The following MOV10 variants were observed in gnomAD, a reference collection of about 807,000 sequenced individuals.
The protein encoded by MOV10 is Mov10 RNA helicase.
In MOV10, 39 loss-of-function variants were observed where a neutral mutation model predicts 108.4. The observed-to-expected ratio is 0.36, with a 90% CI of 0.28 to 0.47. MOV10 has a LOEUF of 0.47. Among genes scored for constraint, MOV10 ranks in the 20% least tolerant of loss-of-function variants. The pLI, the probability that MOV10 is intolerant of heterozygous loss-of-function variation, is 1.00. For missense variants in MOV10, 952 were observed against 1,297.6 expected (o/e 0.73, Z 4.09); for synonymous variants, 490 against 523.1 (o/e 0.94, Z 0.86).
Position 112,699,901 on chromosome 1 carries a change from A to G in MOV10, c.2717A>G (p.Asn906Ser), listed in dbSNP as rs758823732. The change falls in exon 19 of 21, where the codon AAT becomes AGT. Residue 906 changes from asparagine (N) to serine (S), a missense_variant. Physicochemically the swap from Asn to Ser is conservative, Grantham distance 46. This residue lies in a region of MOV10 where 65 missense variants were observed against 124.3 expected (regional missense o/e 0.52). Coordinates refer to ENST00000369645, the MANE Select transcript of MOV10 (RefSeq NM_001321324.2). Reference protein sequence around the residue: ...LGFLKNPKRFNVAVTRAKALL... With the variant: ...LGFLKNPKRFSVAVTRAKALL... The stretch of plus-strand genomic sequence containing the variant: ...ACCACTTCTTCCTTCCAGAGGTTCA[A>G]TGTAGCTGTGACCCGGGCCAAGGCC... 22 of 1,614,086 alleles carry G rather than the reference A, an allele frequency of 1.4e-5. No individual in the cohort carries two copies. The highest frequency in any genetic ancestry group is 1.9e-5 in the Non-Finnish European group (22 of 1,180,010).
In MOV10 at chr1:112,698,415, CAAG is replaced by C; in HGVS notation, c.2449_2451del (p.Lys817del). 6.2e-7 allele frequency: 1 copy of C among 1,614,208 alleles called. No individual in the cohort carries two copies. The highest frequency in any genetic ancestry group is 8.5e-7 in the Non-Finnish European group (1 of 1,180,034). On this transcript the variant is annotated inframe_deletion, in exon 16 of 21. Transcript: ENST00000369645. ...TGAAGCTGCTCCTGGCCCCCTCCTC[CAAG>C]AAGGGCAAAGCTCGCCTGAGCCCTC...
intron 2 of MOV10, among the ~76,000 whole-genome samples, chr1:112,688,146 T>C (rs914618033): frequency 9.2e-5 from 14 of 152,250 alleles, no homozygotes; most frequent in African/African-American, 3.4e-4. Flanking sequence ...ATGTTCAGTC[T>C]GTGTGCTCCT....
In MOV10 at chr1:112,694,688, G is replaced by A. The variant is rs1172320332; in HGVS notation, c.1472+59G>A. 1 of 1,596,024 alleles carries A rather than the reference G, an allele frequency of 6.3e-7. No homozygotes were observed. The highest frequency in any genetic ancestry group is 8.6e-7 in the Non-Finnish European group (1 of 1,168,832). On this transcript the variant is annotated intron_variant, in intron 9 of 20. Coordinates refer to ENST00000369645, the MANE Select transcript of MOV10 (RefSeq NM_001321324.2). The surrounding 1 kb of genome is among the most constrained non-coding windows in gnomAD (Gnocchi z 4.1). ...TTGGAGTGTGGGCACAGGGGGTGGA[G>A]TCAGGGAGGCCTCTGGGTCACTGGA...
At chr1:112,678,710 C>T (rs1168428796) in intron 2 of MOV10, among the ~76,000 whole-genome samples, 1 of 151,998 alleles carries the variant, frequency 6.6e-6, no homozygotes, top group Non-Finnish European at 1.5e-5. Context: ...CTCAGAAGAA[C>T]GGGAGACCAG....
intron 2 of MOV10, among the ~76,000 whole-genome samples, chr1:112,677,829 G>A (rs2101242357): frequency 6.6e-6 from 1 of 152,194 alleles, no homozygotes; most frequent in Admixed American, 6.5e-5. Context: ...ACACTGAGAG[G>A]GGATAGGTCT....
chr1:112,700,411 T>G lies in MOV10; in HGVS notation c.2921-5T>G. 1.9e-6 allele frequency: 3 copies of G among 1,613,558 alleles called. No individual in the cohort carries two copies. The Admixed American group carries it at 5.0e-5, about 27-fold the overall frequency. On this transcript the variant is annotated splice_polypyrimidine_tract_variant and splice_region_variant and intron_variant, in intron 20 of 20. Transcript: ENST00000369645. ...GAAGACACAGTGTACTTTCTCTCTT[T>G]CCAGGGCCCCACAGCCATGACTACC...
chr1:112,689,234 G>A (rs1673343218), intron 3 of MOV10, 96 bp downstream of exon 3: 1 of 1,356,292 alleles, frequency 7.4e-7, no homozygotes, highest in African/African-American at 1.4e-5. Context: ...ACACAAGTGG[G>A]AATAAGTCCC....
At chr1:112,688,563 G>T in intron 2 of MOV10, 1 of 1,137,838 alleles carries the variant, frequency 8.8e-7, no homozygotes, top group Admixed American at 4.4e-5. Context: ...TTTCTTCTGG[G>T]TTGTTTGTAT....
At chr1:112,685,344 G>T (rs1343029474) in intron 2 of MOV10, among the ~76,000 whole-genome samples, 1 of 151,892 alleles carries the variant, frequency 6.6e-6, no homozygotes, top group East Asian at 1.9e-4. Flanking sequence ...GTCTTGGTTA[G>T]AAAGTTTTTC....
intron 2 of MOV10, among the ~76,000 whole-genome samples, chr1:112,681,346 T>G (rs1226890096): frequency 6.6e-6 from 1 of 151,894 alleles, no homozygotes; most frequent in Non-Finnish European, 1.5e-5. Flanking sequence ...TACAAAAAAT[T>G]AGCTGGGCGT....
rs759980674 is a variant in MOV10, at chr1:112,690,070, C to T, written c.808C>T (p.Arg270Trp). 11 of 1,613,836 alleles carry T rather than the reference C, an allele frequency of 6.8e-6. No homozygotes were observed. Among genetic ancestry groups the T allele is most frequent in the African/African-American group, 2.7e-5 (2 of 74,924 alleles). Reference protein sequence around the residue: ...RITGNPVVTNRIEEGERPDRA... With the variant: ...RITGNPVVTNWIEEGERPDRA... ...CACCGGAAACCCTGTGGTGACCAAT[C>T]GGATAGAGGAAGGAGAGAGACCTGA... Residue 270 changes from arginine (R) to tryptophan (W), a missense_variant, in exon 5 of 21, where the codon CGG becomes TGG. Around this residue, in one of 5 missense-constraint regions of MOV10, gnomAD observed 374 missense variants for 468.6 expected, o/e 0.80. Transcript: ENST00000369645.
At position 112,699,988 on chromosome 1, in the gene MOV10, C is replaced by T. The variant is rs771666338; in HGVS notation, c.2798+6C>T. On this transcript the variant is annotated splice_donor_region_variant and intron_variant, in intron 19 of 20. Transcript: ENST00000369645. ...CATGACCCTGACTGGAAAGTGTGAGCATTCCCACCCCATTCTCCCTCTTAG... is the reference window on the plus strand; with the variant it reads ...CATGACCCTGACTGGAAAGTGTGAGTATTCCCACCCCATTCTCCCTCTTAG... 1.9e-6 allele frequency: 3 copies of T among 1,614,154 alleles called. No individual in the cohort carries two copies. The highest frequency in any genetic ancestry group is 2.5e-6 in the Non-Finnish European group (3 of 1,179,978).
In MOV10 at chr1:112,696,809, G is replaced by A. The variant is rs1380518531; in HGVS notation, c.2161G>A (p.Asp721Asn). The part of the protein sequence containing the change: ...SLYKKGPDGY[D>N]PQFITKLLRN... ...GTACAAGAAGGGCCCTGATGGCTATGACCCCCAGTTCATAACCAAGCTGCT... is the reference window on the plus strand; with the variant it reads ...GTACAAGAAGGGCCCTGATGGCTATAACCCCCAGTTCATAACCAAGCTGCT... The change falls in exon 14 of 21, where the codon GAC becomes AAC. Residue 721 changes from aspartate (D) to asparagine (N), a missense_variant. Physicochemically the swap from Asp to Asn is conservative, Grantham distance 23. Coordinates refer to ENST00000369645, the MANE Select transcript of MOV10 (RefSeq NM_001321324.2). 1.9e-6 allele frequency: 3 copies of A among 1,604,282 alleles called. No homozygotes were observed. Among genetic ancestry groups the A allele is most frequent in the Non-Finnish European group, 2.6e-6 (3 of 1,175,002 alleles).
rs769993137 is a variant in MOV10 at position 112,696,879 on chromosome 1, C to A, written c.2198+33C>A. The A allele has an allele frequency of 2.0e-6, 3 of 1,526,790 alleles. No individual in the cohort carries two copies. In the Admixed American group the frequency reaches 5.8e-5, roughly 29 times the overall value. The allele number at this position is 1,526,790 out of a possible 1,614,324, so 94.6% of individuals were successfully genotyped here. Reference sequence around the variant, plus strand: ...CATGCCCTTGCCTCCCCTGCCATATCCTATGCTTTCACATCCTGCATGCAG... The same window carrying A: ...CATGCCCTTGCCTCCCCTGCCATATACTATGCTTTCACATCCTGCATGCAG... On this transcript the variant is annotated intron_variant, in intron 14 of 20. Transcript: ENST00000369645.
chr1:112,689,976 G>T lies in MOV10; in HGVS notation c.714G>T (p.Leu238Phe). The change falls in exon 5 of 21, where the codon TTG becomes TTT. Residue 238 changes from leucine to phenylalanine, a missense_variant. Around this residue, in one of 5 missense-constraint regions of MOV10, gnomAD observed 374 missense variants for 468.6 expected, o/e 0.80. Coordinates refer to ENST00000369645, the MANE Select transcript of MOV10 (RefSeq NM_001321324.2). ...GCACATTCTACATTGCCCGCTTCTT[G>T]GCTGCCGTCGCCCACAGCCCCCTGG... is the stretch of plus-strand genomic sequence containing the variant. Reference protein sequence around the residue: ...GAGTFYIARFLAAVAHSPLAA... With the variant: ...GAGTFYIARFFAAVAHSPLAA... 1.9e-6 allele frequency: 3 copies of T among 1,614,158 alleles called. No individual in the cohort carries two copies. Among genetic ancestry groups the T allele is most frequent in the Non-Finnish European group, 2.5e-6 (3 of 1,180,044 alleles).
chr1:112,688,943 C>T lies in MOV10; in HGVS notation c.146C>T (p.Thr49Ile). ...TCCTCTGCTTCTGGCAGCTTTGGGACCCCCGCCCCTGGCTTCTCCTCCATG... is the reference window on the plus strand; with the variant it reads ...TCCTCTGCTTCTGGCAGCTTTGGGATCCCCGCCCCTGGCTTCTCCTCCATG... ...YNRDFKISFG[T>I]PAPGFSSMLY... The change falls in exon 3 of 21, where the codon ACC (threonine) becomes ATC (isoleucine). Residue 49 changes from threonine (T) to isoleucine (I), a missense_variant. Physicochemically the swap from Thr to Ile is moderately conservative, Grantham distance 89 (BLOSUM62 -1). Around this residue, in one of 5 missense-constraint regions of MOV10, gnomAD observed 374 missense variants for 468.6 expected, o/e 0.80. Coordinates refer to ENST00000369645, the MANE Select transcript of MOV10 (RefSeq NM_001321324.2). 4 of 1,612,302 alleles carry T rather than the reference C, an allele frequency of 2.5e-6. No individual in the cohort carries two copies. Among genetic ancestry groups the T allele is most frequent in the Non-Finnish European group, 3.4e-6 (4 of 1,179,990 alleles).
chr1:112,695,286 C>A (rs532663393), intron 10 of MOV10, 130 bp from the exon 11 acceptor site: 8 of 884,308 alleles, frequency 9.0e-6, no homozygotes, highest in Admixed American at 2.6e-5. Flanking sequence ...CACTGTTGTA[C>A]GGGTAGGGCA....
Position 112,694,391 on chromosome 1 carries a change from T to A in MOV10, c.1296-62T>A, listed in dbSNP as rs1673866644. The A allele has an allele frequency of 1.9e-6, 3 of 1,598,012 alleles. No individual in the cohort carries two copies. In the Admixed American group the frequency reaches 5.0e-5, roughly 27 times the overall value. On this transcript the variant is annotated intron_variant, in intron 8 of 20. Transcript: ENST00000369645. The surrounding 1 kb of genome is among the most constrained non-coding windows in gnomAD (Gnocchi z 4.1). Reference sequence around the variant, plus strand: ...GGACACTGGTTGGTGGAGAAAGTTCTGGCCCTTTATTGCCCACCTCCCCTG... The same window carrying A: ...GGACACTGGTTGGTGGAGAAAGTTCAGGCCCTTTATTGCCCACCTCCCCTG...
intron 2 of MOV10, among the ~76,000 whole-genome samples, chr1:112,682,387 C>G (rs576380593): frequency 6.6e-6 from 1 of 152,248 alleles, no homozygotes; most frequent in South Asian, 2.1e-4. Flanking sequence ...CTATGCCCAG[C>G]TAATTTTTCA....
Sources: gnomAD v4.1 joint callset for allele counts (sites outside exome capture counted in the v4.1 genomes callset) on GRCh38, gnomAD v4.1.1 for gene constraint, gnomAD v4.1.1 regional missense constraint, Gnocchi (gnomAD v3.1) non-coding constraint, MANE v1.5 for transcripts, NCBI Gene and HGNC (gene_info 2026-07-23, HGNC 2026-07-21) for gene names.